Variants in FAM199X observed in about 807,000 individuals in gnomAD.
The protein encoded by FAM199X is family with sequence similarity 199, X-linked, also known as protein FAM199X.
A neutral mutation model predicts 22.9 loss-of-function variants in FAM199X; 4 were observed. The ratio of observed to expected loss-of-function variants is 0.17; its 90% CI spans 0.09 to 0.40. FAM199X has a LOEUF of 0.40. FAM199X is among the 10% of genes least tolerant of loss of function. The probability of loss-of-function intolerance (pLI) is 1.00; values close to 1 mark genes in which losing one functional copy is unlikely to be tolerated. For synonymous variants in FAM199X, 101 were observed against 112.3 expected, an observed-to-expected ratio of 0.90 and a Z score of 0.64; for missense variants, 183 against 306.8, an observed-to-expected ratio of 0.60 and a Z score of 3.01.
chrX:104,173,526 A>G (rs1417986321), intron 1 of FAM199X, among the ~76,000 whole-genome samples: 4 of 111,665 alleles, frequency 3.6e-5, no homozygotes, highest in African/African-American at 1.3e-4. Context: ...TAGCCATACA[A>G]AATGGAGGAA....
intron 1 of FAM199X, 53 bp downstream of exon 1, chrX:104,167,035 C>A (rs1380591261): frequency 5.9e-5 from 60 of 1,023,012 alleles, no homozygotes; most frequent in Non-Finnish European, 7.3e-5. Context: ...GGTCGCCCCC[C>A]GCTCCTGATC....
At chrX:104,171,058 A>G (rs1471448334) in intron 1 of FAM199X, among the ~76,000 whole-genome samples, 1 of 111,365 alleles carries the variant, frequency 9.0e-6, no homozygotes, top group East Asian at 2.8e-4. Flanking sequence ...ACTTCATTCA[A>G]CAGTGCTCAT....
At chrX:104,166,147 G>T (rs1482377095), upstream of FAM199X, among the ~76,000 whole-genome samples, 25 of 112,691 alleles carry the variant, frequency 2.2e-4, no homozygotes, top group Non-Finnish European at 4.3e-4. Context: ...GAAAGAGTGC[G>T]CTGGGAACCA....
rs1281584148 is a variant in FAM199X at position 104,193,229 on chromosome X, A to G, written c.*3451A>G. The G allele has an allele frequency of 2.7e-5, 3 of 112,107 alleles. No individual in the cohort carries two copies. In the Admixed American group the frequency reaches 2.8e-4, roughly 11 times the overall value. The allele number at this position is 112,107 out of a possible 1,213,427, so 9.2% of individuals were successfully genotyped here. On this transcript the variant is annotated 3_prime_UTR_variant, in exon 6 of 6. Transcript: ENST00000493442. ...TCGAACCAATCAATGCTAATAGAGT[A>G]TAAAAACAAAAACCTTCAAATTTTA... is the stretch of plus-strand genomic sequence containing the variant.
At position 104,166,579 on chromosome X, in the gene FAM199X, G is replaced by A. The variant is rs1921195921; in HGVS notation, c.-207G>A. The A allele has an allele frequency of 3.2e-6, 1 of 314,583 alleles. No individual in the cohort carries two copies. Among genetic ancestry groups the A allele is most frequent in the African/African-American group, 2.7e-5 (1 of 36,399 alleles). 25.9% of individuals were successfully genotyped at this position (314,583 alleles called of 1,213,427 possible). A position where few individuals can be genotyped will look rare whatever the true frequency, so the allele number is the denominator to read the frequency against. On this transcript the variant is annotated 5_prime_UTR_variant, in exon 1 of 6. Transcript: ENST00000493442. ...CCACCGGGGCGCTAACTGGGTGGCC[G>A]GTGGGCCGCTGTGGCCTCGAGCAGC...
intron 2 of FAM199X, among the ~76,000 whole-genome samples, chrX:104,184,912 T>C (rs1921758034): frequency 9.2e-6 from 1 of 108,250 alleles, no homozygotes. Flanking sequence ...CACAGGCATG[T>C]GTCACCACAC....
chrX:104,187,191 C>G (rs1368130246), intron 4 of FAM199X, among the ~76,000 whole-genome samples: 1 of 108,459 alleles, frequency 9.2e-6, no homozygotes, highest in Non-Finnish European at 1.9e-5. Context: ...TCAAGTGATT[C>G]TCCTGCCTCA....
intron 2 of FAM199X, among the ~76,000 whole-genome samples, chrX:104,183,742 G>A (rs1164130081): frequency 8.9e-6 from 1 of 111,996 alleles, no homozygotes; most frequent in Non-Finnish European, 1.9e-5. Flanking sequence ...TGGGATTACG[G>A]GCATAAGCCA....
chrX:104,168,239 A>G (rs2068267502), intron 1 of FAM199X, among the ~76,000 whole-genome samples: 1 of 112,525 alleles, frequency 8.9e-6, no homozygotes, highest in Non-Finnish European at 1.9e-5. Flanking sequence ...ACTACTCTAA[A>G]TCGTCATTGC....
chrX:104,185,537 T>C (rs372804230), intron 2 of FAM199X, among the ~76,000 whole-genome samples: 5 of 112,516 alleles, frequency 4.4e-5, no homozygotes, highest in South Asian at 7.3e-4. Context: ...TATATACTTA[T>C]GTTGCTGCTT....
Position 104,189,817 on chromosome X carries a change from A to G in FAM199X, c.*39A>G. The stretch of plus-strand genomic sequence containing the variant: ...ATCAACGTTCTTTGTGAGCATTAAA[A>G]TACTCCATCCTTATGGGTTTACATG... On this transcript the variant is annotated 3_prime_UTR_variant, in exon 6 of 6. Transcript: ENST00000493442. The G allele has an allele frequency of 8.4e-7, 1 of 1,191,953 alleles. No homozygotes were observed. Among genetic ancestry groups the G allele is most frequent in the Non-Finnish European group, 1.1e-6 (1 of 882,735 alleles).
At chrX:104,183,449 T>C (rs12010889) in intron 2 of FAM199X, among the ~76,000 whole-genome samples, 17,653 of 109,835 alleles carry the variant, frequency 0.16, 1,232 homozygotes, top group Non-Finnish European at 0.23. Flanking sequence ...TGTTAGTTAA[T>C]GAGATTTTAT....
intron 2 of FAM199X, among the ~76,000 whole-genome samples, chrX:104,176,575 A>G (rs1921496540): frequency 8.9e-6 from 1 of 112,586 alleles, no homozygotes. Flanking sequence ...CAAAAGAGGG[A>G]TTGAATATTA....
upstream of FAM199X, among the ~76,000 whole-genome samples, chrX:104,166,431 C>A (rs1158885486): frequency 1.4e-4 from 16 of 111,259 alleles, no homozygotes; most frequent in African/African-American, 5.2e-4. Flanking sequence ...CCCCTCCTTG[C>A]GGGCGCCGGG....
At chrX:104,168,119 G>A (rs1300920579) in intron 1 of FAM199X, among the ~76,000 whole-genome samples, 1 of 112,167 alleles carries the variant, frequency 8.9e-6, no homozygotes, top group Non-Finnish European at 1.9e-5. Flanking sequence ...TGTAAAAGAT[G>A]TTTCTTACAT....
chrX:104,170,983 G>A (rs1306955312), intron 1 of FAM199X, among the ~76,000 whole-genome samples: 1 of 111,228 alleles, frequency 9.0e-6, no homozygotes, highest in Non-Finnish European at 1.9e-5. Context: ...AGTACTGATG[G>A]GGCACTGTAC....
At chrX:104,177,690 G>C (rs1921526815) in intron 2 of FAM199X, among the ~76,000 whole-genome samples, 1 of 111,766 alleles carries the variant, frequency 8.9e-6, no homozygotes, top group Non-Finnish European at 1.9e-5. Context: ...TTATGGTTTT[G>C]AGCATCTTTT....
At chrX:104,168,504 A>T (rs782227160) in intron 1 of FAM199X, among the ~76,000 whole-genome samples, 1 of 112,427 alleles carries the variant, frequency 8.9e-6, no homozygotes, top group Non-Finnish European at 1.9e-5. Flanking sequence ...GTTGAAAAAT[A>T]ATGTAAAAGA....
chrX:104,181,315 A>T (rs1450581550), intron 2 of FAM199X, among the ~76,000 whole-genome samples: 3 of 112,462 alleles, frequency 2.7e-5, no homozygotes. Context: ...TTATTCTGAA[A>T]TATAGTATCA....
Sources: gnomAD v4.1 joint callset for allele counts (sites outside exome capture counted in the v4.1 genomes callset) on GRCh38, gnomAD v4.1.1 for gene constraint, MANE v1.5 for transcripts, NCBI Gene and HGNC (gene_info 2026-07-23, HGNC 2026-07-21) for gene names.